NRXN1: variants seen among roughly 807,000 people sequenced by gnomAD.
The protein encoded by NRXN1 is neurexin-1.
Under a neutral mutation model 150.9 loss-of-function variants are expected in NRXN1, and 39 were observed. That is an observed-to-expected ratio of 0.26 (90% CI 0.20 to 0.34). The LOEUF is 0.34. Ranked by LOEUF, NRXN1 falls within the 10% of genes least tolerant of loss-of-function variation. The pLI, the probability that NRXN1 is intolerant of heterozygous loss-of-function variation, is 1.00. For missense variants in NRXN1, 1,815 were observed against 1,949.9 expected (o/e 0.93, Z 1.30); for synonymous variants, 924 against 757.0 (o/e 1.22, Z -3.62).
At chr2:50,163,852 C>T (rs1164937122) in intron 18 of NRXN1, among the ~76,000 whole-genome samples, 3 of 152,152 alleles carry the variant, frequency 2.0e-5, no homozygotes, top group Non-Finnish European at 4.4e-5. Flanking sequence ...GAACCAAGTT[C>T]ATAAGCAAGA....
At chr2:50,788,948 G>T (rs1705548133) in intron 5 of NRXN1, among the ~76,000 whole-genome samples, 1 of 152,134 alleles carries the variant, frequency 6.6e-6, no homozygotes, top group East Asian at 1.9e-4. Flanking sequence ...GGATGACAGG[G>T]AGATGGAAAA....
rs898328825 is a variant in NRXN1, at chr2:50,895,143, C to A, written c.832+26726G>T. ...TTCCCTCCCCCAAGTTTAACAGAAG[C>A]CTTAGAACCTTCAGTACATCTCAAA... On this transcript the variant is annotated intron_variant, in intron 5 of 22. Coordinates refer to ENST00000401669, the MANE Select transcript of NRXN1 (RefSeq NM_001330078.2). Among the ~76,000 whole-genome samples the A allele has an allele frequency of 2.6e-5, 4 of 152,220 alleles. No individual in the cohort carries two copies. The South Asian group carries it at 8.3e-4, about 32-fold the overall frequency.
chr2:50,125,482 G>A (rs1443359825), intron 18 of NRXN1, among the ~76,000 whole-genome samples: 3 of 152,048 alleles, frequency 2.0e-5, no homozygotes, highest in Non-Finnish European at 4.4e-5. Flanking sequence ...GGGGATAACA[G>A]CAACCTAGCT....
chr2:50,336,885 A>T (rs2077222357), intron 17 of NRXN1, among the ~76,000 whole-genome samples: 1 of 152,140 alleles, frequency 6.6e-6, no homozygotes, highest in South Asian at 2.1e-4. Flanking sequence ...TGGAAGATAA[A>T]GATAAGGCAT....
intron 2 of NRXN1, among the ~76,000 whole-genome samples, chr2:51,003,516 T>C (rs1344849611): frequency 6.6e-6 from 1 of 152,034 alleles, no homozygotes; most frequent in East Asian, 1.9e-4. Context: ...TCTAAAAATT[T>C]GATTTATTTA....
rs995509296 is a variant in NRXN1 at position 51,028,152 on chromosome 2, G to A, written c.122C>T (p.Thr41Met). Reference sequence around the variant, plus strand: ...GCAGGCGTTCCACTTGGGGAAGCGCGTCCATTGGCCCTCGGCGCCCGGAAA... The same window carrying A: ...GCAGGCGTTCCACTTGGGGAAGCGCATCCATTGGCCCTCGGCGCCCGGAAA... Reference protein sequence around the residue: ...LEFPGAEGQWTRFPKWNACCE... With the variant: ...LEFPGAEGQWMRFPKWNACCE... Residue 41 changes from threonine to methionine, a missense_variant, in exon 2 of 23, where the codon ACG becomes ATG. This residue lies in a region of NRXN1 where 554 missense variants were observed against 478.8 expected (regional missense o/e 1.16). Coordinates refer to ENST00000401669, the MANE Select transcript of NRXN1 (RefSeq NM_001330078.2). 20 of 1,542,058 alleles carry A rather than the reference G, an allele frequency of 1.3e-5. No individual in the cohort carries two copies. In the African/African-American group the frequency reaches 2.5e-4, roughly 19 times the overall value.
intron 17 of NRXN1, among the ~76,000 whole-genome samples, chr2:50,341,700 C>T (rs551559510): frequency 2.4e-4 from 36 of 152,116 alleles, no homozygotes; most frequent in African/African-American, 8.7e-4. Context: ...TATATCTGTT[C>T]GAAAAGTAGA....
At chr2:50,240,969 T>C (rs1388822795) in intron 17 of NRXN1, among the ~76,000 whole-genome samples, 1 of 151,672 alleles carries the variant, frequency 6.6e-6, no homozygotes, top group Non-Finnish European at 1.5e-5. Flanking sequence ...TTGGACATAT[T>C]TCAAAGTTAT....
At chr2:50,299,247 C>A (rs1281742314) in intron 17 of NRXN1, among the ~76,000 whole-genome samples, 1 of 152,096 alleles carries the variant, frequency 6.6e-6, no homozygotes, top group Non-Finnish European at 1.5e-5. Context: ...ATTTCTATAT[C>A]AGCTAGAAAT....
chr2:50,726,120 CT>C (rs1697335787), intron 5 of NRXN1, among the ~76,000 whole-genome samples: 1 of 152,128 alleles, frequency 6.6e-6, no homozygotes, highest in Admixed American at 6.5e-5. Flanking sequence ...GAGGAAACTG[CT>C]TCTTTAACAC....
intron 5 of NRXN1, among the ~76,000 whole-genome samples, chr2:50,663,884 G>A (rs1687649236): frequency 6.6e-6 from 1 of 151,926 alleles, no homozygotes; most frequent in African/African-American, 2.4e-5. Flanking sequence ...TCTTATTTTA[G>A]TTGGCTGAAA....
chr2:50,431,890 C>T (rs2084996488), intron 17 of NRXN1, among the ~76,000 whole-genome samples: 1 of 152,050 alleles, frequency 6.6e-6, no homozygotes, highest in African/African-American at 2.4e-5. Flanking sequence ...CCAGCACTTT[C>T]ATATAGTAAG....
intron 5 of NRXN1, among the ~76,000 whole-genome samples, chr2:50,891,071 T>C (rs890834865): frequency 2.0e-5 from 3 of 152,010 alleles, no homozygotes; most frequent in East Asian, 1.9e-4. Context: ...GGCCAAAGGA[T>C]ACTCCACAGC....
intron 5 of NRXN1, among the ~76,000 whole-genome samples, chr2:50,847,234 T>C (rs1211198017): frequency 6.6e-6 from 1 of 152,064 alleles, no homozygotes; most frequent in Non-Finnish European, 1.5e-5. Flanking sequence ...TTTTTTATTA[T>C]TATTATTTTT....
intron 2 of NRXN1, among the ~76,000 whole-genome samples, chr2:50,946,687 A>G (rs1488345812): frequency 2.6e-5 from 4 of 152,216 alleles, no homozygotes; most frequent in Non-Finnish European, 4.4e-5. Flanking sequence ...AAAATTATTT[A>G]AAGCAGTATA....
intron 18 of NRXN1, among the ~76,000 whole-genome samples, chr2:50,139,097 G>A (rs1196235494): frequency 1.3e-5 from 2 of 152,140 alleles, no homozygotes; most frequent in African/African-American, 4.8e-5. Context: ...AGGCCAAGGT[G>A]GGCAGATCAC....
intron 17 of NRXN1, among the ~76,000 whole-genome samples, chr2:50,250,523 C>T (rs1242892403): frequency 1.3e-5 from 2 of 151,786 alleles, no homozygotes; most frequent in Non-Finnish European, 2.9e-5. Flanking sequence ...CAGATAAATA[C>T]AGAGCACAAA....
chr2:50,548,257 G>A (rs2093537612), intron 9 of NRXN1: 1 of 152,132 alleles, frequency 6.6e-6, no homozygotes, highest in African/African-American at 2.4e-5. Flanking sequence ...ACCAAGAAGG[G>A]ACAGAAGTCC....
intron 5 of NRXN1, among the ~76,000 whole-genome samples, chr2:50,745,216 G>C (rs1417153803): frequency 1.3e-5 from 2 of 151,730 alleles, no homozygotes; most frequent in African/African-American, 4.8e-5. Flanking sequence ...ACTATAGCTA[G>C]AATTAAATAA....
Sources: allele counts gnomAD v4.1 joint callset (sites outside exome capture counted in the v4.1 genomes callset), GRCh38; gene constraint gnomAD v4.1.1; regional missense constraint gnomAD v4.1.1; transcripts MANE v1.5; gene names NCBI Gene and HGNC (gene_info 2026-07-23, HGNC 2026-07-21).